GART: variants seen among roughly 807,000 people sequenced by gnomAD.
GART encodes the protein phosphoribosylglycinamide formyltransferase, phosphoribosylglycinamide synthetase, phosphoribosylaminoimidazole synthetase.
Under a neutral mutation model 107.2 loss-of-function variants are expected in GART, and 43 were observed. The observed-to-expected ratio is 0.40, with a 90% CI of 0.31 to 0.52. The LOEUF is 0.52. Among genes scored for constraint, GART ranks in the 20% least tolerant of loss-of-function variants. The pLI is 0.52. For synonymous variants in GART, 434 were observed against 427.0 expected, an observed-to-expected ratio of 1.02 and a Z score of -0.20; for missense variants, 1,107 against 1,206.5, an observed-to-expected ratio of 0.92 and a Z score of 1.22.
At chr21:33,524,537 T>C in intron 11 of GART, 1 of 1,173,612 alleles carries the variant, frequency 8.5e-7, no homozygotes, top group Non-Finnish European at 1.1e-6. Context: ...CAAATAAAAA[T>C]CAGTACCACT....
At chr21:33,542,319 G>C (rs1020247444), upstream of GART, 2 of 152,388 alleles carry the variant, frequency 1.3e-5, no homozygotes, top group Non-Finnish European at 2.9e-5. Context: ...AGTGGTACGG[G>C]GTGCCACGCA....
chr21:33,530,847 A>T lies in GART; in HGVS notation c.635T>A (p.Met212Lys). ...TCGCTTATGGTCCTGTGCTGGGGGC[A>T]TGGGGGCCACAGTCTTGCCATCAGT... ...CFTDGKTVAP[M>K]PPAQDHKRLL... The change falls in exon 7 of 22, where the codon ATG becomes AAG. Residue 212 changes from methionine to lysine, a missense_variant. Physicochemically the swap from Met to Lys is moderately conservative, Grantham distance 95 (BLOSUM62 -1). Coordinates refer to ENST00000381815, the MANE Select transcript of GART (RefSeq NM_000819.5). 1 of 1,531,804 alleles carries T rather than the reference A, an allele frequency of 6.5e-7. No homozygotes were observed. Among genetic ancestry groups the T allele is most frequent in the Non-Finnish European group, 8.7e-7 (1 of 1,150,294 alleles). The allele number at this position is 1,531,804 out of a possible 1,614,324, so 94.9% of individuals were successfully genotyped here.
intron 16 of GART, among the ~76,000 whole-genome samples, chr21:33,513,103 CTCTGTG>C (rs1445488620): frequency 3.5e-5 from 3 of 86,812 alleles, no homozygotes; most frequent in Non-Finnish European, 6.8e-5. Context: ...GTGTGTGTGT[CTCTGTG>C]TGTGTGTGTG....
chr21:33,528,901 C>T lies in GART; in HGVS notation c.760G>A (p.Val254Ile), dbSNP rs767435064. 3.1e-6 allele frequency: 5 copies of T among 1,613,420 alleles called. No individual in the cohort carries two copies. The South Asian group carries it at 3.3e-5, about 11-fold the overall frequency. The change falls in exon 8 of 22, where the codon GTT becomes ATT. Residue 254 changes from valine to isoleucine, a missense_variant. Physicochemically the swap from Val to Ile is conservative, Grantham distance 29. Coordinates refer to ENST00000381815, the MANE Select transcript of GART (RefSeq NM_000819.5). ...NDLLLKIKDTVLQRTVDGMQQ... is the reference protein window; with the variant it reads ...NDLLLKIKDTILQRTVDGMQQ... ...ATGCCATCCACTGTCCTCTGAAGAACAGTATCTTTAATTTTTAGTAATAGA... is the reference window on the plus strand; with the variant it reads ...ATGCCATCCACTGTCCTCTGAAGAATAGTATCTTTAATTTTTAGTAATAGA...
At chr21:33,521,576 T>C (rs2084973659) in intron 12 of GART, among the ~76,000 whole-genome samples, 1 of 139,432 alleles carries the variant, frequency 7.2e-6, no homozygotes, top group African/African-American at 2.7e-5. Flanking sequence ...AGCTTGCAGC[T>C]AGCCGAAATG....
chr21:33,532,267 A>G (rs1601221079), intron 5 of GART, 78 bp downstream of exon 5: 1 of 980,152 alleles, frequency 1.0e-6, no homozygotes, highest in Middle Eastern at 2.1e-4. Context: ...CCTTATTGTG[A>G]GGAACATTTT....
intron 14 of GART, chr21:33,518,676 A>T (rs1159636684): frequency 2.3e-6 from 1 of 438,528 alleles, no homozygotes; most frequent in Non-Finnish European, 4.5e-6. Context: ...GACTCAATTC[A>T]GTTTGCCTCA....
At chr21:33,530,303 T>TCA (rs1191308702) in intron 7 of GART, among the ~76,000 whole-genome samples, 3 of 152,188 alleles carry the variant, frequency 2.0e-5, no homozygotes, top group African/African-American at 7.2e-5. Flanking sequence ...TCAATTCATA[T>TCA]CACACACACA....
At chr21:33,518,317 A>G (rs945340021) in intron 14 of GART, among the ~76,000 whole-genome samples, 1 of 152,198 alleles carries the variant, frequency 6.6e-6, no homozygotes, top group Admixed American at 6.5e-5. Context: ...GTCTCTACTA[A>G]AAACACAAAA....
intron 14 of GART, among the ~76,000 whole-genome samples, chr21:33,518,234 G>A (rs2084911243): frequency 6.6e-6 from 1 of 152,230 alleles, no homozygotes; most frequent in African/African-American, 2.4e-5. Context: ...TGTAATCCCA[G>A]CACTTTGGGA....
intron 10 of GART, among the ~76,000 whole-genome samples, chr21:33,526,191 C>G (rs1319127361): frequency 6.6e-6 from 1 of 151,296 alleles, no homozygotes; most frequent in Admixed American, 6.6e-5. Flanking sequence ...CTTTTTGGGA[C>G]AGAGTCTTGC....
chr21:33,530,801 GCCA>G lies in GART; in HGVS notation c.678_680del (p.Gly227del). On this transcript the variant is annotated inframe_deletion, in exon 7 of 22. Coordinates refer to ENST00000381815, the MANE Select transcript of GART (RefSeq NM_000819.5). ...AGGCTCCCATTCCCCCTGTGTTAGG[GCCA>G]CCATCTCCCTCCAGTAATCGCTTAT... The G allele has an allele frequency of 6.5e-7, 1 of 1,530,870 alleles. No homozygotes were observed. The highest frequency in any genetic ancestry group is 1.3e-5 in the South Asian group (1 of 76,604). The allele number at this position is 1,530,870 out of a possible 1,614,324, so 94.8% of individuals were successfully genotyped here. A position where few individuals can be genotyped will look rare whatever the true frequency, so the allele number is the denominator to read the frequency against.
At position 33,517,007 on chromosome 21, in the gene GART, T is replaced by C; in HGVS notation, c.2089A>G (p.Lys697Glu). Residue 697 changes from lysine to glutamate, a missense_variant, in exon 16 of 22, where the codon AAA (lysine) becomes GAA (glutamate). Coordinates refer to ENST00000381815, the MANE Select transcript of GART (RefSeq NM_000819.5). ...ATCTTACCTAAATCTACCCCAAGTTTCTCAGGGAGGACTCTGGGGATGTTC... is the reference window on the plus strand; with the variant it reads ...ATCTTACCTAAATCTACCCCAAGTTCCTCAGGGAGGACTCTGGGGATGTTC... ...LENIPRVLPE[K>E]LGVDLDAQTW... 6.2e-7 allele frequency: 1 copy of C among 1,600,672 alleles called. No homozygotes were observed. The highest frequency in any genetic ancestry group is 8.5e-7 in the Non-Finnish European group (1 of 1,176,690).
chr21:33,537,165 T>G (rs2085322414), intron 2 of GART, among the ~76,000 whole-genome samples: 1 of 152,168 alleles, frequency 6.6e-6, no homozygotes, highest in African/African-American at 2.4e-5. Context: ...CTTGTAGTAG[T>G]CTCATGATGA....
In GART at chr21:33,525,069, G is replaced by T. The variant is rs185060216; in HGVS notation, c.1067-69C>A. 90 of 1,502,952 alleles carry T rather than the reference G, an allele frequency of 6.0e-5. No individual in the cohort carries two copies. In the African/African-American group the frequency reaches 1.2e-3, roughly 20 times the overall value. The allele number at this position is 1,502,952 out of a possible 1,614,324, so 93.1% of individuals were successfully genotyped here. ...TATTTCACACCGTGAAGTGATTTAC[G>T]ATTTCCACAAGTTTCTTTTTTTTTT... On this transcript the variant is annotated intron_variant, in intron 10 of 21. Transcript: ENST00000381815.
At chr21:33,519,571 AG>A (rs893211871) in intron 14 of GART, among the ~76,000 whole-genome samples, 2 of 150,510 alleles carry the variant, frequency 1.3e-5, no homozygotes, top group African/African-American at 4.9e-5. Context: ...AAAAAAAAAA[AG>A]AGGCAGTGTC....
chr21:33,537,135 TTAG>T (rs1157760194), intron 2 of GART, among the ~76,000 whole-genome samples: 1 of 152,168 alleles, frequency 6.6e-6, no homozygotes, highest in Admixed American at 6.5e-5. Context: ...AGAGGTCTCT[TTAG>T]TAGTCTTACA....
At chr21:33,526,964 A>C (rs2085085364) in intron 10 of GART, among the ~76,000 whole-genome samples, 1 of 152,216 alleles carries the variant, frequency 6.6e-6, no homozygotes, top group Non-Finnish European at 1.5e-5. Context: ...ACACAAAGCC[A>C]TTTAGTGATT....
chr21:33,518,864 G>C (rs2084922117), intron 14 of GART: 2 of 536,930 alleles, frequency 3.7e-6, no homozygotes, highest in African/African-American at 3.8e-5. Context: ...ATTTCTATCA[G>C]CTGCGTTGTC....
Sources: allele counts gnomAD v4.1 joint callset (sites outside exome capture counted in the v4.1 genomes callset), GRCh38; gene constraint gnomAD v4.1.1; transcripts MANE v1.5; gene names NCBI Gene and HGNC (gene_info 2026-07-23, HGNC 2026-07-21).